ANKLE2: variants seen among roughly 807,000 people sequenced by gnomAD.
ANKLE2 encodes the protein ankyrin repeat and LEM domain-containing protein 2.
Under a neutral mutation model 84.2 loss-of-function variants are expected in ANKLE2, and 55 were observed. That is an observed-to-expected ratio of 0.65 (90% confidence interval 0.53 to 0.82). The LOEUF (loss-of-function observed/expected upper bound fraction) is 0.82. Among genes scored for constraint, ANKLE2 ranks in the 40% least tolerant of loss-of-function variants. The pLI, the probability that ANKLE2 is intolerant of heterozygous loss-of-function variation, is 0.00. For missense variants in ANKLE2, 1,238 were observed against 1,201.9 expected (o/e 1.03, Z -0.44); for synonymous variants, 551 against 486.1 (o/e 1.13, Z -1.76).
intron 1 of ANKLE2, chr12:132,759,296 G>C (rs1384877804): frequency 6.6e-6 from 1 of 152,244 alleles, no homozygotes; most frequent in Non-Finnish European, 1.5e-5. Flanking sequence ...AACCATTTGA[G>C]TTATTTCAGT....
chr12:132,760,418 C>A (rs1346633301), intron 1 of ANKLE2: 1 of 152,190 alleles, frequency 6.6e-6, no homozygotes, highest in African/African-American at 2.4e-5. Flanking sequence ...ACAGCGTCTT[C>A]CTGGAGATAC....
At position 132,734,540 on chromosome 12, in the gene ANKLE2, T is replaced by C; in HGVS notation, c.1736A>G (p.Glu579Gly). 1 of 1,613,870 alleles carries C rather than the reference T, an allele frequency of 6.2e-7. No homozygotes were observed. Among genetic ancestry groups the C allele is most frequent in the Non-Finnish European group, 8.5e-7 (1 of 1,179,930 alleles). The stretch of plus-strand genomic sequence containing the variant: ...AAAACAGCCCAGAAATTCCCAGTAT[T>C]CAACCCAGGGATACCCCAGCTCATG... ...LAHELGYPWVEYWEFLGCFVD... is the reference protein window; with the variant it reads ...LAHELGYPWVGYWEFLGCFVD... Residue 579 changes from glutamate to glycine, a missense_variant, in exon 10 of 13, where the codon GAA becomes GGA. Physicochemically the swap from Glu to Gly is moderately conservative, Grantham distance 98 (BLOSUM62 -2). Around this residue, in one of 3 missense-constraint regions of ANKLE2, gnomAD observed 802 missense variants for 774.5 expected, o/e 1.04. Transcript: ENST00000357997.
chr12:132,757,846 T>A (rs2044518674), intron 1 of ANKLE2: 1 of 151,162 alleles, frequency 6.6e-6, no homozygotes, highest in African/African-American at 2.4e-5. Context: ...TAGCTGAGTG[T>A]GGTGACGTGC....
In ANKLE2 at chr12:132,743,252, C is replaced by A; in HGVS notation, c.1255G>T (p.Ala419Ser). Residue 419 changes from alanine (A) to serine (S), a missense_variant, in exon 6 of 13, where the codon GCT (alanine) becomes TCT (serine). Ala to Ser is a moderately conservative substitution (Grantham distance 99, BLOSUM62 1). Transcript: ENST00000357997. This position sits in a 1 kb window ranked among gnomAD's most constrained non-coding sequence, Gnocchi z 4.1. ...ACATCTGCATTTCCAAACTTACAAG[C>A]AAAATGCAACGGTGTGTCATAGCCC... ...KMGYDTPLHF[A>S]CKFGNADVVN... 3 of 1,611,126 alleles carry A rather than the reference C, an allele frequency of 1.9e-6. No homozygotes were observed. The highest frequency in any genetic ancestry group is 2.5e-6 in the Non-Finnish European group (3 of 1,178,586).
At chr12:132,735,349 TA>T in intron 9 of ANKLE2, 56 bp downstream of exon 9, 2 of 1,478,854 alleles carry the variant, frequency 1.4e-6, no homozygotes, top group Non-Finnish European at 1.9e-6. Flanking sequence ...CTTCTGTCAT[TA>T]ATCAAAATGC....
rs983028271 is a variant in ANKLE2, at chr12:132,761,571, G to C, written c.181+47C>G. Reference sequence around the variant, plus strand: ...CCAGGCCCGAGGAGGGCGTCGGGGCGGGGAAGGGGCCAGGGTGCGGGGACC... The same window carrying C: ...CCAGGCCCGAGGAGGGCGTCGGGGCCGGGAAGGGGCCAGGGTGCGGGGACC... On this transcript the variant is annotated intron_variant, in intron 1 of 12. Transcript: ENST00000357997. 2.0e-4 allele frequency: 236 copies of C among 1,199,852 alleles called. 1 individual carries two copies. Among genetic ancestry groups the C allele is most frequent in the Non-Finnish European group, 2.0e-4 (189 of 965,152 alleles). 74.3% of individuals were successfully genotyped at this position (1,199,852 alleles called of 1,614,324 possible).
intron 11 of ANKLE2, 35 bp from the exon 12 acceptor site, chr12:132,728,198 T>C: frequency 2.5e-6 from 4 of 1,602,114 alleles, no homozygotes; most frequent in South Asian, 2.2e-5. Context: ...AAAACATCTT[T>C]GGTAAAAACA....
intron 10 of ANKLE2, 102 bp downstream of exon 10, chr12:132,734,283 G>A (rs1210549940): frequency 4.7e-6 from 6 of 1,282,520 alleles, no homozygotes; most frequent in South Asian, 1.3e-5. Flanking sequence ...AGACCTTTAC[G>A]TTAAAAACAC....
At chr12:132,734,812 C>A (rs1593147199) in intron 9 of ANKLE2, 1 of 502,884 alleles carries the variant, frequency 2.0e-6, no homozygotes, top group South Asian at 2.5e-5. Context: ...CGGCTGCAGG[C>A]AGGAAGGAGG....
chr12:132,734,755 T>G (rs1397190661), intron 9 of ANKLE2, 180 bp from the exon 10 acceptor site: 1 of 614,512 alleles, frequency 1.6e-6, no homozygotes, highest in Non-Finnish European at 2.7e-6. Context: ...ACAGCACGCC[T>G]CCTCACAGGT....
intron 1 of ANKLE2, chr12:132,761,056 C>G (rs1490000297): frequency 6.6e-6 from 1 of 151,954 alleles, no homozygotes; most frequent in Non-Finnish European, 1.5e-5. Flanking sequence ...TTACCTCAAA[C>G]TTAAAACGAC....
intron 1 of ANKLE2, 72 bp from the exon 2 acceptor site, chr12:132,755,205 G>C: frequency 1.5e-6 from 2 of 1,345,384 alleles, no homozygotes; most frequent in Non-Finnish European, 1.0e-6. Flanking sequence ...ATGGGTACTA[G>C]GGTTCATTAT....
chr12:132,745,373 T>C lies in ANKLE2; in HGVS notation c.1231-2097A>G, dbSNP rs144710307. ...TGCTGGCAGCCAAGGAGGGGGACTG[T>C]GGAGAGCTTGAGAGGAGGCTGGGCC... On this transcript the variant is annotated intron_variant, in intron 5 of 12. Coordinates refer to ENST00000357997, the MANE Select transcript of ANKLE2 (RefSeq NM_015114.3). The C allele has an allele frequency of 1.7e-3, 277 of 163,840 alleles. 3 individuals carry two copies. In the Middle Eastern group the frequency reaches 0.032, roughly 19 times the overall value. The allele number at this position is 163,840 out of a possible 1,614,324, so 10.1% of individuals were successfully genotyped here.
Position 132,750,508 on chromosome 12 carries a change from C to G in ANKLE2, c.847+135G>C, listed in dbSNP as rs2044332091. 3 of 859,466 alleles carry G rather than the reference C, an allele frequency of 3.5e-6. No individual in the cohort carries two copies. The African/African-American group carries it at 5.2e-5, about 15-fold the overall frequency. The allele number at this position is 859,466 out of a possible 1,614,324, so 53.2% of individuals were successfully genotyped here. ...ACACGAGCATCAGAGCCAGCATGGCCTCCTGGTCCACTGAGACCCCATCGA... is the reference window on the plus strand; with the variant it reads ...ACACGAGCATCAGAGCCAGCATGGCGTCCTGGTCCACTGAGACCCCATCGA... On this transcript the variant is annotated intron_variant, in intron 3 of 12. Coordinates refer to ENST00000357997, the MANE Select transcript of ANKLE2 (RefSeq NM_015114.3).
rs374728589 is a variant in ANKLE2 at position 132,754,690 on chromosome 12, C to T, written c.625G>A (p.Val209Ile). The T allele has an allele frequency of 8.8e-6, 14 of 1,599,874 alleles. No individual in the cohort carries two copies. The highest frequency in any genetic ancestry group is 2.2e-5 in the East Asian group (1 of 44,640). The change falls in exon 2 of 13, where the codon GTC becomes ATC. Residue 209 changes from valine (V) to isoleucine (I), a missense_variant. By Grantham distance (29) the Val-to-Ile change is conservative. Transcript: ENST00000357997. ...GTCCCATTACCATTTCTCGCTGGGACGTCCTCATACACTGGACACACCCCA... is the reference window on the plus strand; with the variant it reads ...GTCCCATTACCATTTCTCGCTGGGATGTCCTCATACACTGGACACACCCCA... ...YYGVCPVYEDVPARNERIYVY... is the reference protein window; with the variant it reads ...YYGVCPVYEDIPARNERIYVY...
In ANKLE2 at chr12:132,727,198, C is replaced by T. The variant is rs1368056410; in HGVS notation, c.*44G>A. Reference sequence around the variant, plus strand: ...GTTTAGCAATAAACATATGACCCTTCCTTCTTTAAAAATGAAGAACAAACC... The same window carrying T: ...GTTTAGCAATAAACATATGACCCTTTCTTCTTTAAAAATGAAGAACAAACC... On this transcript the variant is annotated 3_prime_UTR_variant, in exon 13 of 13. Transcript: ENST00000357997. 6.7e-7 allele frequency: 1 copy of T among 1,483,802 alleles called. No individual in the cohort carries two copies. The highest frequency in any genetic ancestry group is 1.4e-5 in the African/African-American group (1 of 71,034). The allele number at this position is 1,483,802 out of a possible 1,614,324, so 91.9% of individuals were successfully genotyped here.
intron 2 of ANKLE2, among the ~76,000 whole-genome samples, chr12:132,754,305 A>G (rs149335118): frequency 2.0e-5 from 3 of 152,246 alleles, no homozygotes; most frequent in Non-Finnish European, 4.4e-5. Context: ...AAAAGTATTT[A>G]TACACTCATT....
At chr12:132,755,191 G>A (rs968191714) in intron 1 of ANKLE2, 58 bp from the exon 2 acceptor site, 44 of 1,452,550 alleles carry the variant, frequency 3.0e-5, no homozygotes, top group Non-Finnish European at 3.7e-5. Context: ...GCTGAAGCTG[G>A]GTGATGGGTA....
At chr12:132,760,279 C>G (rs2044598115) in intron 1 of ANKLE2, 1 of 152,220 alleles carries the variant, frequency 6.6e-6, no homozygotes, top group African/African-American at 2.4e-5. Flanking sequence ...GTTTCTCCCA[C>G]TAGTCTTGCA....
Sources: allele counts gnomAD v4.1 joint callset (sites outside exome capture counted in the v4.1 genomes callset), GRCh38; gene constraint gnomAD v4.1.1; regional missense constraint gnomAD v4.1.1; non-coding constraint Gnocchi (gnomAD v3.1); transcripts MANE v1.5; gene names NCBI Gene and HGNC (gene_info 2026-07-23, HGNC 2026-07-21).